The following DYRK1A variants were observed in gnomAD, a reference collection of about 807,000 sequenced individuals.
DYRK1A encodes the protein dual specificity tyrosine phosphorylation regulated kinase 1A.
Under a neutral mutation model 79.7 loss-of-function variants are expected in DYRK1A, and 9 were observed. The ratio of observed to expected loss-of-function variants is 0.11; its 90% CI spans 0.07 to 0.20. DYRK1A has a LOEUF of 0.20. Ranked by LOEUF, DYRK1A falls within the 10% of genes least tolerant of loss-of-function variation. The pLI is 1.00. For missense variants in DYRK1A, 622 were observed against 956.0 expected (o/e 0.65, Z 4.61); for synonymous variants, 349 against 329.7 (o/e 1.06, Z -0.63).
At chr21:37,464,954 A>G (rs1268759399) in intron 2 of DYRK1A, among the ~76,000 whole-genome samples, 1 of 152,222 alleles carries the variant, frequency 6.6e-6, no homozygotes, top group Non-Finnish European at 1.5e-5. Context: ...GAATCTTATC[A>G]TAGGAAAGGA....
intron 1 of DYRK1A, among the ~76,000 whole-genome samples, chr21:37,417,255 A>T (rs1224284478): frequency 6.6e-6 from 1 of 151,904 alleles, no homozygotes; most frequent in African/African-American, 2.4e-5. Context: ...CAATGGCATG[A>T]TCTCGGTTCA....
At chr21:37,454,085 C>T (rs1235194762) in intron 2 of DYRK1A, among the ~76,000 whole-genome samples, 1 of 59,628 alleles carries the variant, frequency 1.7e-5, no homozygotes, top group Non-Finnish European at 2.9e-5. Context: ...ATGTAGTCTC[C>T]TTTTTTTTTT....
chr21:37,408,571 T>A (rs528525674), intron 1 of DYRK1A, among the ~76,000 whole-genome samples: 1 of 152,158 alleles, frequency 6.6e-6, no homozygotes, highest in East Asian at 1.9e-4. Flanking sequence ...ATTATATAAA[T>A]TTTTTTTAGC....
rs201327052 is a variant in DYRK1A at position 37,496,138 on chromosome 21, A to C, written c.1092A>C (p.Ile364=). Residue 364 remains isoleucine (I), a synonymous_variant, in exon 9 of 12, where the codon ATA becomes ATC. Coordinates refer to ENST00000647188, the MANE Select transcript of DYRK1A (RefSeq NM_001347721.2). ...TACAGGTAGATCAGATGAATAAAAT[A>C]GTGGAAGTTCTGGGTATTCCACCTG... The part of the protein sequence containing the change: ...GANEVDQMNK[I]VEVLGIPPAH... 41 of 1,612,406 alleles carry C rather than the reference A, an allele frequency of 2.5e-5. No homozygotes were observed. Among genetic ancestry groups the C allele is most frequent in the Non-Finnish European group, 3.2e-5 (38 of 1,179,550 alleles).
intron 1 of DYRK1A, among the ~76,000 whole-genome samples, chr21:37,369,633 G>C (rs1361592990): frequency 6.6e-6 from 1 of 152,236 alleles, no homozygotes; most frequent in Non-Finnish European, 1.5e-5. Flanking sequence ...CATAAGCTCA[G>C]AGATTATTGC....
At chr21:37,461,315 G>A (rs969210419) in intron 2 of DYRK1A, among the ~76,000 whole-genome samples, 6 of 151,976 alleles carry the variant, frequency 3.9e-5, no homozygotes, top group African/African-American at 1.2e-4. Context: ...TACACCAACC[G>A]AATACTTACA....
chr21:37,407,233 A>G (rs2050165113), intron 1 of DYRK1A, among the ~76,000 whole-genome samples: 2 of 152,162 alleles, frequency 1.3e-5, no homozygotes, highest in African/African-American at 4.8e-5. Flanking sequence ...CTAAACATTC[A>G]TTTATGTTTT....
intron 6 of DYRK1A, 129 bp downstream of exon 6, chr21:37,486,743 G>C (rs2052883489): frequency 2.1e-6 from 2 of 938,150 alleles, no homozygotes; most frequent in Non-Finnish European, 2.9e-6. Context: ...TATTTCTGTT[G>C]GACAGCAAGA....
chr21:37,495,517 A>G (rs1316641704), intron 8 of DYRK1A, among the ~76,000 whole-genome samples: 2 of 152,152 alleles, frequency 1.3e-5, no homozygotes, highest in Admixed American at 1.3e-4. Context: ...CTGTAGTCCC[A>G]GTTACTCAGG....
At position 37,525,394 on chromosome 21, in the gene DYRK1A, C is replaced by A. The variant is rs1265364375; in HGVS notation, c.*12863C>A. On this transcript the variant is annotated 3_prime_UTR_variant, in exon 12 of 12. Transcript: ENST00000647188. The stretch of plus-strand genomic sequence containing the variant: ...GGGGAACTGCCCTTTATAAAACCAT[C>A]AGATCTCATGAGACTTACTCACTAT... 6.6e-6 allele frequency: 1 copy of A among 152,188 alleles called. No homozygotes were observed. The highest frequency in any genetic ancestry group is 1.5e-5 in the Non-Finnish European group (1 of 68,054). 9.4% of individuals were successfully genotyped at this position (152,188 alleles called of 1,614,324 possible).
At chr21:37,392,510 C>G (rs981850734) in intron 1 of DYRK1A, among the ~76,000 whole-genome samples, 1 of 152,192 alleles carries the variant, frequency 6.6e-6, no homozygotes, top group Admixed American at 6.5e-5. Context: ...GCTGAGAAGT[C>G]CATATCAAGG....
intron 1 of DYRK1A, among the ~76,000 whole-genome samples, chr21:37,372,088 C>T (rs575680198): frequency 2.0e-5 from 3 of 152,000 alleles, no homozygotes; most frequent in South Asian, 2.1e-4. Context: ...TTTGCATGTC[C>T]GTAAAATGTT....
At chr21:37,369,613 C>T (rs1046754331) in intron 1 of DYRK1A, among the ~76,000 whole-genome samples, 4 of 152,190 alleles carry the variant, frequency 2.6e-5, no homozygotes, top group African/African-American at 9.7e-5. Context: ...TTCATTTTTA[C>T]CTCGAGAGGC....
At chr21:37,497,990 TAATC>T (rs1354187140) in intron 9 of DYRK1A, among the ~76,000 whole-genome samples, 1 of 152,184 alleles carries the variant, frequency 6.6e-6, no homozygotes, top group African/African-American at 2.4e-5. Flanking sequence ...GTCAAATTCA[TAATC>T]AAATAATTAC....
intron 1 of DYRK1A, among the ~76,000 whole-genome samples, chr21:37,398,167 C>G (rs1287890506): frequency 6.7e-6 from 1 of 149,614 alleles, no homozygotes; most frequent in African/African-American, 2.5e-5. Context: ...GCAGTGTACA[C>G]ACACACACAT....
At chr21:37,480,583 C>A in intron 4 of DYRK1A, 55 bp from the exon 5 acceptor site, 1 of 1,367,274 alleles carries the variant, frequency 7.3e-7, no homozygotes, top group Non-Finnish European at 9.9e-7. Flanking sequence ...TCTGATAATG[C>A]CCTTCCTCAC....
chr21:37,509,780 A>G (rs998017547), intron 11 of DYRK1A, among the ~76,000 whole-genome samples: 19 of 152,230 alleles, frequency 1.2e-4, no homozygotes, highest in African/African-American at 4.6e-4. Flanking sequence ...TACTATTTAC[A>G]AATGGTAGTT....
chr21:37,440,130 CTTTTT>C (rs1164986221), intron 2 of DYRK1A, among the ~76,000 whole-genome samples: 21 of 37,760 alleles, frequency 5.6e-4, no homozygotes, highest in East Asian at 1.2e-3. Context: ...TTGTTTGCTC[CTTTTT>C]TTTTTTTTTT....
intron 1 of DYRK1A, among the ~76,000 whole-genome samples, chr21:37,402,495 G>A (rs1033791565): frequency 4.6e-5 from 7 of 152,044 alleles, no homozygotes; most frequent in Admixed American, 3.3e-4. Context: ...TTATTCCCTC[G>A]ATATACCAGT....
Sources: gnomAD v4.1 joint callset for allele counts (sites outside exome capture counted in the v4.1 genomes callset) on GRCh38, gnomAD v4.1.1 for gene constraint, MANE v1.5 for transcripts, NCBI Gene and HGNC (gene_info 2026-07-23, HGNC 2026-07-21) for gene names.